The following STON2 variants were observed in gnomAD, a reference collection of about 807,000 sequenced individuals.
The protein encoded by STON2 is stonin-2.
A neutral mutation model predicts 65.7 loss-of-function variants in STON2; 29 were observed. The observed-to-expected ratio is 0.44, with a 90% CI of 0.33 to 0.60. The LOEUF (loss-of-function observed/expected upper bound fraction) is 0.60. Among genes scored for constraint, STON2 ranks in the 20% least tolerant of loss-of-function variants. The pLI is 0.03. For missense variants in STON2, 1,054 were observed against 1,118.1 expected (o/e 0.94, Z 0.82); for synonymous variants, 404 against 414.2 (o/e 0.98, Z 0.30).
At chr14:81,328,964 A>G (rs572455971) in intron 4 of STON2, among the ~76,000 whole-genome samples, 2 of 152,284 alleles carry the variant, frequency 1.3e-5, no homozygotes, top group South Asian at 4.2e-4. Flanking sequence ...CATGAGCCAA[A>G]TATCTTTTTC....
At chr14:81,384,035 C>T (rs1030369338) in intron 3 of STON2, among the ~76,000 whole-genome samples, 1 of 152,078 alleles carries the variant, frequency 6.6e-6, no homozygotes, top group Non-Finnish European at 1.5e-5. Context: ...ACTTGCTGTT[C>T]CTTCCACATG....
At chr14:81,276,834 T>G in intron 6 of STON2, 67 bp downstream of exon 6, 3 of 1,537,246 alleles carry the variant, frequency 2.0e-6, no homozygotes, top group Non-Finnish European at 2.6e-6. Context: ...ATACAGGATG[T>G]GGAACTTTGA....
chr14:81,345,049 C>G (rs1487528546), intron 4 of STON2, among the ~76,000 whole-genome samples: 1 of 152,166 alleles, frequency 6.6e-6, no homozygotes, highest in African/African-American at 2.4e-5. Context: ...GGGAAGTAAG[C>G]TATAAATGTT....
chr14:81,425,591 A>T (rs1418546727), intron 2 of STON2, among the ~76,000 whole-genome samples: 2 of 152,092 alleles, frequency 1.3e-5, no homozygotes, highest in African/African-American at 4.8e-5. Flanking sequence ...AAAGTAGGGA[A>T]GATTGGTTAG....
chr14:81,351,204 A>C (rs1055041906), intron 4 of STON2, among the ~76,000 whole-genome samples: 2 of 111,000 alleles, frequency 1.8e-5, no homozygotes, highest in Non-Finnish European at 3.7e-5. Context: ...TTCTGGTGGG[A>C]GGCAAGGGAT....
chr14:81,379,112 T>C (rs563169406), intron 3 of STON2, among the ~76,000 whole-genome samples: 64 of 152,390 alleles, frequency 4.2e-4, no homozygotes, highest in African/African-American at 1.5e-3. Context: ...TATTTTTGTA[T>C]ATGTAAAATA....
At chr14:81,339,959 C>T (rs1479212706) in intron 4 of STON2, among the ~76,000 whole-genome samples, 1 of 151,904 alleles carries the variant, frequency 6.6e-6, no homozygotes, top group Non-Finnish European at 1.5e-5. Context: ...TCAAGACCAT[C>T]CTGGCTAACA....
chr14:81,365,161 T>G (rs1416231471), intron 4 of STON2, among the ~76,000 whole-genome samples: 1 of 152,148 alleles, frequency 6.6e-6, no homozygotes, highest in Non-Finnish European at 1.5e-5. Flanking sequence ...AAGTGGTTGC[T>G]GTTGTCCTGT....
intron 3 of STON2, among the ~76,000 whole-genome samples, chr14:81,385,840 TA>T (rs1181146057): frequency 3.3e-5 from 5 of 152,282 alleles, no homozygotes; most frequent in Non-Finnish European, 4.4e-5. Flanking sequence ...TAATAACAAG[TA>T]AACTAATGCA....
intron 3 of STON2, among the ~76,000 whole-genome samples, chr14:81,373,331 A>T (rs1383224012): frequency 1.3e-5 from 2 of 152,222 alleles, no homozygotes; most frequent in East Asian, 3.8e-4. Flanking sequence ...CATAGAAAAA[A>T]ATTAAAATAC....
At chr14:81,323,178 C>A (rs1460031557) in intron 5 of STON2, among the ~76,000 whole-genome samples, 1 of 152,162 alleles carries the variant, frequency 6.6e-6, no homozygotes. Context: ...TCAGTGCAAT[C>A]AACGGCTTGT....
chr14:81,428,115 T>C (rs1442091936), intron 1 of STON2, among the ~76,000 whole-genome samples: 4 of 152,206 alleles, frequency 2.6e-5, no homozygotes, highest in Admixed American at 1.3e-4. Flanking sequence ...CACTCAGCAG[T>C]GGACGTAAAA....
At chr14:81,323,544 T>C (rs1896896545) in intron 5 of STON2, 1 of 152,232 alleles carries the variant, frequency 6.6e-6, no homozygotes, top group South Asian at 2.1e-4. Flanking sequence ...CATCTTCCGT[T>C]CCACACTGAA....
intron 3 of STON2, among the ~76,000 whole-genome samples, chr14:81,392,751 A>AT (rs1900140730): frequency 6.6e-6 from 1 of 152,142 alleles, no homozygotes; most frequent in South Asian, 2.1e-4. Context: ...TGCTTCATGT[A>AT]TTTTTTCCCA....
chr14:81,382,047 A>G (rs565142217), intron 3 of STON2, among the ~76,000 whole-genome samples: 21 of 152,026 alleles, frequency 1.4e-4, no homozygotes, highest in African/African-American at 4.3e-4. Flanking sequence ...GTGAAACCCC[A>G]TCTCTACTAA....
At chr14:81,367,393 TC>T (rs1228840735) in intron 4 of STON2, among the ~76,000 whole-genome samples, 10 of 152,164 alleles carry the variant, frequency 6.6e-5, no homozygotes, top group African/African-American at 2.4e-4. Context: ...GCCAGGGTGG[TC>T]TCAAACTCCT....
intron 3 of STON2, among the ~76,000 whole-genome samples, chr14:81,378,794 T>C (rs545504716): frequency 2.2e-4 from 33 of 152,228 alleles, no homozygotes; most frequent in Non-Finnish European, 3.1e-4. Context: ...GAAAATCAAT[T>C]AATGTAATTC....
intron 1 of STON2, among the ~76,000 whole-genome samples, chr14:81,434,279 T>C (rs1239891128): frequency 6.6e-6 from 1 of 152,186 alleles, no homozygotes; most frequent in Non-Finnish European, 1.5e-5. Flanking sequence ...CAGTCTGAGA[T>C]CTCACGAGGT....
Position 81,263,106 on chromosome 14 carries a change from G to A in STON2, c.*5308C>T, listed in dbSNP as rs1409801932. On this transcript the variant is annotated 3_prime_UTR_variant, in exon 8 of 8. Transcript: ENST00000614646. Reference sequence around the variant, plus strand: ...ATTTACCAAATGATATTTTTTTGTGGATTTAATTTTTTGTTAGTTTTGCTT... The same window carrying A: ...ATTTACCAAATGATATTTTTTTGTGAATTTAATTTTTTGTTAGTTTTGCTT... 6.1e-6 allele frequency: 6 copies of A among 985,244 alleles called. No homozygotes were observed. The highest frequency in any genetic ancestry group is 7.2e-6 in the Non-Finnish European group (6 of 829,872). 61.0% of individuals were successfully genotyped at this position (985,244 alleles called of 1,614,324 possible). A position where few individuals can be genotyped will look rare whatever the true frequency, so the allele number is the denominator to read the frequency against.
Sources: gnomAD v4.1 joint callset for allele counts (sites outside exome capture counted in the v4.1 genomes callset) on GRCh38, gnomAD v4.1.1 for gene constraint, MANE v1.5 for transcripts, NCBI Gene and HGNC (gene_info 2026-07-23, HGNC 2026-07-21) for gene names.